POLE2: variants seen among roughly 807,000 people sequenced by gnomAD.
The protein encoded by POLE2 is DNA polymerase epsilon 2, accessory subunit.
POLE2 carries 56 observed loss-of-function variants against 79.4 expected under a neutral mutation model. The ratio of observed to expected loss-of-function variants is 0.71; its 90% CI spans 0.57 to 0.88. The LOEUF (loss-of-function observed/expected upper bound fraction) is 0.88. Among genes scored for constraint, POLE2 ranks in the 40% least tolerant of loss-of-function variants. The pLI, the probability that POLE2 is intolerant of heterozygous loss-of-function variation, is 0.00. For missense variants in POLE2, 598 were observed against 638.9 expected, an observed-to-expected ratio of 0.94 and a Z score of 0.69; for synonymous variants, 212 against 214.0, an observed-to-expected ratio of 0.99 and a Z score of 0.08.
At chr14:49,688,098 C>T (rs1179864026) in intron 1 of POLE2, 38 bp downstream of exon 1, 13 of 1,501,222 alleles carry the variant, frequency 8.7e-6, no homozygotes, top group Middle Eastern at 1.7e-4. Flanking sequence ...GGCCCCAGCT[C>T]TTCCCTCTCG....
At chr14:49,677,347 A>T (rs930582117) in intron 3 of POLE2, 2 of 514,754 alleles carry the variant, frequency 3.9e-6, no homozygotes, top group Non-Finnish European at 7.1e-6. Context: ...CTGACTTAGG[A>T]TCAAATCCTT....
At chr14:49,665,563 G>A (rs1885420877) in intron 7 of POLE2, among the ~76,000 whole-genome samples, 1 of 152,082 alleles carries the variant, frequency 6.6e-6, no homozygotes, top group African/African-American at 2.4e-5. Flanking sequence ...CCTAATTTCA[G>A]GCTATGCAAA....
intron 5 of POLE2, 110 bp from the exon 6 acceptor site, chr14:49,669,708 T>G: frequency 1.6e-6 from 1 of 610,808 alleles, no homozygotes; most frequent in South Asian, 2.0e-5. Context: ...TCACTATTAC[T>G]TATTCTCCAC....
At chr14:49,652,165 C>A (rs562549450) in intron 15 of POLE2, among the ~76,000 whole-genome samples, 1 of 38,624 alleles carries the variant, frequency 2.6e-5, no homozygotes, top group Non-Finnish European at 7.7e-5. Context: ...GAATAGAATA[C>A]GGAGAGGAGA....
intron 10 of POLE2, among the ~76,000 whole-genome samples, chr14:49,658,515 T>C (rs1039115979): frequency 7.9e-5 from 12 of 152,228 alleles, no homozygotes; most frequent in Non-Finnish European, 1.5e-4. Context: ...ACCTTTAGTA[T>C]TGACTTTAGG....
chr14:49,666,029 T>G (rs1885462622), intron 7 of POLE2, among the ~76,000 whole-genome samples: 1 of 152,150 alleles, frequency 6.6e-6, no homozygotes, highest in Admixed American at 6.5e-5. Flanking sequence ...TTTCTCCATG[T>G]TGGTCAGGCT....
chr14:49,650,866 T>A (rs1349899675), intron 16 of POLE2, among the ~76,000 whole-genome samples: 1 of 152,214 alleles, frequency 6.6e-6, no homozygotes, highest in African/African-American at 2.4e-5. Flanking sequence ...ACAACTATTG[T>A]CAGGGAACCT....
chr14:49,663,508 T>C, intron 9 of POLE2, 121 bp from the exon 10 acceptor site: 1 of 495,540 alleles, frequency 2.0e-6, no homozygotes, highest in Admixed American at 3.7e-5. Flanking sequence ...ATTACAGAGG[T>C]TGCCAACCTC....
intron 13 of POLE2, 62 bp downstream of exon 13, chr14:49,654,722 T>G (rs749326498): frequency 1.8e-5 from 27 of 1,467,624 alleles, no homozygotes; most frequent in Non-Finnish European, 2.2e-5. Flanking sequence ...ATAACAAAAT[T>G]CATTTTTTGT....
intron 12 of POLE2, 59 bp from the exon 13 acceptor site, chr14:49,654,897 G>C: frequency 7.0e-7 from 1 of 1,436,622 alleles, no homozygotes; most frequent in Non-Finnish European, 9.3e-7. Flanking sequence ...AATTATATTT[G>C]ATTAGATACA....
intron 10 of POLE2, among the ~76,000 whole-genome samples, chr14:49,661,531 C>G (rs993514964): frequency 6.6e-6 from 1 of 152,118 alleles, no homozygotes; most frequent in Non-Finnish European, 1.5e-5. Context: ...TTCAGAAAAG[C>G]CTTACTCACA....
chr14:49,672,729 C>G (rs1453346889), intron 5 of POLE2, among the ~76,000 whole-genome samples: 1 of 152,104 alleles, frequency 6.6e-6, no homozygotes, highest in Non-Finnish European at 1.5e-5. Context: ...GAAATCCCGA[C>G]CTCAGGTGAT....
At position 49,654,213 on chromosome 14, in the gene POLE2, T is replaced by C; in HGVS notation, c.1075A>G (p.Ser359Gly). ...ICEYPDIHQS[S>G]RFVFVPGPED... ...GGACCAGGTACAAACACAAAACGACTACTGTAGCAAAATTCAACACAATTC... is the reference window on the plus strand; with the variant it reads ...GGACCAGGTACAAACACAAAACGACCACTGTAGCAAAATTCAACACAATTC... Residue 359 changes from serine (S) to glycine (G), a missense_variant and splice_region_variant, in exon 14 of 19, where the codon AGT becomes GGT. Ser to Gly is a moderately conservative substitution (Grantham distance 56, BLOSUM62 0). Transcript: ENST00000216367. 1.2e-6 allele frequency: 2 copies of C among 1,602,320 alleles called. No individual in the cohort carries two copies. The highest frequency in any genetic ancestry group is 1.7e-6 in the Non-Finnish European group (2 of 1,170,826).
chr14:49,649,616 A>C (rs1884059443), intron 17 of POLE2, among the ~76,000 whole-genome samples: 1 of 151,294 alleles, frequency 6.6e-6, no homozygotes. Context: ...CGCCCAGCTA[A>C]TTATTGTAAT....
Position 49,674,405 on chromosome 14 carries a change from CTA to C in POLE2, c.266_267del (p.Ile89ArgfsTer4). 6.2e-7 allele frequency: 1 copy of C among 1,609,838 alleles called. No homozygotes were observed. Among genetic ancestry groups the C allele is most frequent in the Non-Finnish European group, 8.5e-7 (1 of 1,176,726 alleles). On this transcript the variant is annotated frameshift_variant, in exon 4 of 19. Coordinates refer to ENST00000216367, the MANE Select transcript of POLE2 (RefSeq NM_002692.4). LOFTEE classifies it high-confidence loss of function. ...DETIEHVFNIIGAFDIPRFVY... is the reference protein window; with the variant it reads ...DETIEHVFNIXGAFDIPRFVY... ...ACAAAGCGTGGAATATCAAATGCTC[CTA>C]TGATATTGAAAACGTGCTCTCTGAA...
intron 6 of POLE2, among the ~76,000 whole-genome samples, chr14:49,668,836 T>C (rs948747461): frequency 3.9e-5 from 6 of 152,156 alleles, no homozygotes; most frequent in Non-Finnish European, 7.3e-5. Context: ...GTCCTTACAC[T>C]GTCACCCAGG....
intron 6 of POLE2, among the ~76,000 whole-genome samples, chr14:49,669,293 G>GGCTA (rs1411495618): frequency 6.6e-6 from 1 of 152,128 alleles, no homozygotes; most frequent in African/African-American, 2.4e-5. Context: ...GTGTATCTGG[G>GGCTA]GCTAGCATCG....
chr14:49,663,474 G>A (rs1319011642), intron 9 of POLE2, 87 bp from the exon 10 acceptor site: 3 of 822,434 alleles, frequency 3.6e-6, no homozygotes, highest in East Asian at 5.5e-5. Context: ...ATAATGCCAG[G>A]CTAGTCTCAT....
chr14:49,649,702 G>C (rs1884069183), intron 17 of POLE2, among the ~76,000 whole-genome samples: 1 of 152,052 alleles, frequency 6.6e-6, no homozygotes, highest in Non-Finnish European at 1.5e-5. Flanking sequence ...ACCCACCTCG[G>C]CCTCCCAAAG....
Sources: gnomAD v4.1 joint callset for allele counts (sites outside exome capture counted in the v4.1 genomes callset) on GRCh38, gnomAD v4.1.1 for gene constraint, MANE v1.5 for transcripts, NCBI Gene and HGNC (gene_info 2026-07-23, HGNC 2026-07-21) for gene names.